Variants in TRHDE observed in about 807,000 individuals in gnomAD.
TRHDE encodes thyrotropin-releasing hormone-degrading ectoenzyme.
In TRHDE, 72 loss-of-function variants were observed where a neutral mutation model predicts 125.7. The observed-to-expected ratio is 0.57, with a 90% CI of 0.47 to 0.70. TRHDE has a LOEUF of 0.70. TRHDE is among the 30% of genes least tolerant of loss of function. The pLI is 0.00. For missense variants in TRHDE, 1,110 were observed against 1,327.1 expected, an observed-to-expected ratio of 0.84 and a Z score of 2.54; for synonymous variants, 509 against 509.1, an observed-to-expected ratio of 1.00 and a Z score of 0.00.
intron 3 of TRHDE, among the ~76,000 whole-genome samples, chr12:72,441,628 G>A (rs1021130374): frequency 6.6e-6 from 1 of 151,834 alleles, no homozygotes; most frequent in African/African-American, 2.4e-5. Context: ...TAAAATATAA[G>A]TAATATCAGT....
intron 2 of TRHDE, among the ~76,000 whole-genome samples, chr12:72,175,430 T>C: frequency 6.6e-6 from 1 of 152,198 alleles, no homozygotes; most frequent in East Asian, 1.9e-4. Flanking sequence ...ATCTCTTTGT[T>C]TGACTGAATC....
At chr12:72,276,551 T>C (rs1592513675) in intron 1 of TRHDE, among the ~76,000 whole-genome samples, 1 of 152,208 alleles carries the variant, frequency 6.6e-6, no homozygotes, top group Non-Finnish European at 1.5e-5. Context: ...TACTGTGTGC[T>C]ATATACCTTG....
chr12:72,210,573 T>C (rs1877760595), intron 2 of TRHDE, among the ~76,000 whole-genome samples: 1 of 152,164 alleles, frequency 6.6e-6, no homozygotes, highest in Non-Finnish European at 1.5e-5. Context: ...ATGAAATGAA[T>C]ATATGTCAAA....
intron 2 of TRHDE, among the ~76,000 whole-genome samples, chr12:72,213,698 A>G (rs576862741): frequency 3.3e-5 from 5 of 152,278 alleles, no homozygotes; most frequent in African/African-American, 1.2e-4. Flanking sequence ...ATTTTGTAAA[A>G]TTCAAAAGCA....
chr12:72,405,078 A>G (rs1873210168), intron 3 of TRHDE, among the ~76,000 whole-genome samples: 1 of 152,198 alleles, frequency 6.6e-6, no homozygotes, highest in Non-Finnish European at 1.5e-5. Flanking sequence ...AGTGCCTACT[A>G]TGTTTAATGT....
chr12:72,346,165 G>A (rs950053634), intron 2 of TRHDE, among the ~76,000 whole-genome samples: 5 of 152,034 alleles, frequency 3.3e-5, no homozygotes, highest in African/African-American at 7.2e-5. Flanking sequence ...TTCTGTGGAC[G>A]TTGAGGCCTG....
intron 2 of TRHDE, among the ~76,000 whole-genome samples, chr12:72,208,721 A>G (rs1877718332): frequency 6.6e-6 from 1 of 152,220 alleles, no homozygotes; most frequent in Admixed American, 6.5e-5. Context: ...GAAGGGCGAT[A>G]TACTTATTGA....
At chr12:72,251,869 G>C (rs1003529734) in intron 2 of TRHDE, among the ~76,000 whole-genome samples, 2 of 151,962 alleles carry the variant, frequency 1.3e-5, no homozygotes, top group African/African-American at 4.8e-5. Flanking sequence ...CATTCTGATT[G>C]GTTGCTTAAT....
chr12:72,409,992 G>C (rs373600040), intron 3 of TRHDE, among the ~76,000 whole-genome samples: 1 of 151,740 alleles, frequency 6.6e-6, no homozygotes, highest in African/African-American at 2.4e-5. Flanking sequence ...CCAAAAAGTC[G>C]ATTTTCTAAA....
At chr12:72,189,659 C>T (rs1286052380) in intron 2 of TRHDE, among the ~76,000 whole-genome samples, 1 of 152,150 alleles carries the variant, frequency 6.6e-6, no homozygotes, top group African/African-American at 2.4e-5. Context: ...AAGGGATATT[C>T]CCTCCAAATG....
intron 2 of TRHDE, among the ~76,000 whole-genome samples, chr12:72,125,886 G>A (rs1875701579): frequency 6.6e-6 from 1 of 152,186 alleles, no homozygotes; most frequent in Admixed American, 6.5e-5. Flanking sequence ...GAGGGTCCTG[G>A]AAGACTCCCT....
chr12:72,144,047 G>A (rs140074679), intron 2 of TRHDE, among the ~76,000 whole-genome samples: 41 of 152,278 alleles, frequency 2.7e-4, no homozygotes, highest in African/African-American at 9.9e-4. Flanking sequence ...GGTTCCTAGT[G>A]CCAGTAGTTC....
intron 4 of TRHDE, among the ~76,000 whole-genome samples, chr12:72,471,558 G>A (rs911772292): frequency 2.0e-5 from 3 of 152,166 alleles, no homozygotes; most frequent in African/African-American, 7.2e-5. Context: ...GAAGCTAGGA[G>A]AAACACTTAA....
intron 2 of TRHDE, among the ~76,000 whole-genome samples, chr12:72,353,229 C>T (rs1393288490): frequency 1.3e-5 from 2 of 151,688 alleles, no homozygotes; most frequent in South Asian, 2.1e-4. Flanking sequence ...AGCAAACAGT[C>T]GGGAGTTTTG....
intron 7 of TRHDE, among the ~76,000 whole-genome samples, chr12:72,558,420 T>G (rs2136005969): frequency 6.6e-6 from 1 of 152,284 alleles, no homozygotes; most frequent in Admixed American, 6.5e-5. Context: ...TTAGGCATCT[T>G]CAGAAAGCTG....
intron 4 of TRHDE, among the ~76,000 whole-genome samples, 159 bp from the exon 5 acceptor site, chr12:72,472,908 A>C (rs1480670973): frequency 6.6e-6 from 1 of 152,224 alleles, no homozygotes; most frequent in Admixed American, 6.5e-5. Context: ...TACTCAGATA[A>C]ATCAATACAG....
chr12:72,111,533 G>T (rs765527470), intron 2 of TRHDE, among the ~76,000 whole-genome samples: 1 of 152,108 alleles, frequency 6.6e-6, no homozygotes, highest in Non-Finnish European at 1.5e-5. Context: ...TATCTCCCTA[G>T]TTCTAAGGTC....
chr12:72,210,151 AT>A (rs921779939), intron 2 of TRHDE, among the ~76,000 whole-genome samples: 1 of 148,520 alleles, frequency 6.7e-6, no homozygotes, highest in Non-Finnish European at 1.5e-5. Flanking sequence ...AACCACAATG[AT>A]TTTAAGTTCT....
intron 5 of TRHDE, among the ~76,000 whole-genome samples, chr12:72,482,165 T>C (rs1028695346): frequency 2.0e-5 from 3 of 151,958 alleles, no homozygotes; most frequent in African/African-American, 7.2e-5. Context: ...CATGATAATA[T>C]GGAATTGGTA....
Sources: allele counts gnomAD v4.1 joint callset (sites outside exome capture counted in the v4.1 genomes callset), GRCh38; gene constraint gnomAD v4.1.1; transcripts MANE v1.5; gene names NCBI Gene and HGNC (gene_info 2026-07-23, HGNC 2026-07-21).